Variants in ZNF248 observed in about 807,000 individuals in gnomAD.
ZNF248 encodes zinc finger protein 248.
A neutral mutation model predicts 44.3 loss-of-function variants in ZNF248; 20 were observed. The observed-to-expected ratio is 0.45, with a 90% CI of 0.32 to 0.66. The LOEUF (loss-of-function observed/expected upper bound fraction) is 0.66, where lower values mean the gene tolerates loss of function less well. Among genes scored for constraint, ZNF248 ranks in the 30% least tolerant of loss-of-function variants. The pLI is 0.04. For synonymous variants in ZNF248, 224 were observed against 229.0 expected, an observed-to-expected ratio of 0.98 and a Z score of 0.20; for missense variants, 654 against 677.0, an observed-to-expected ratio of 0.97 and a Z score of 0.38.
chr10:37,785,008 C>T (rs75621049), intron 6 of ZNF248, among the ~76,000 whole-genome samples: 201 of 152,310 alleles, frequency 1.3e-3, no homozygotes, highest in East Asian at 5.6e-3. Context: ...TCTGTTTATA[C>T]ATGGGGAAAA....
At chr10:37,766,389 G>A in the ZNF248 span, among the ~76,000 whole-genome samples, 12 of 152,234 alleles carry the variant, frequency 7.9e-5, no homozygotes, top group South Asian at 2.1e-4. Flanking sequence ...TCACATGGCC[G>A]GGTACTCCTC....
At position 37,836,371 on chromosome 10, in the gene ZNF248, T is replaced by G. The variant is rs140300682; in HGVS notation, c.238+1246A>C. Among the ~76,000 whole-genome samples, 3 of 152,288 alleles carry G rather than the reference T, an allele frequency of 2.0e-5. No homozygotes were observed. In the East Asian group the frequency reaches 5.8e-4, roughly 29 times the overall value. ...TTCTCATAGCACCAAAAGTAAAATT[T>G]ATGTATCTACCATAGCTCATGTTTC... On this transcript the variant is annotated intron_variant, in intron 5 of 5. Transcript: ENST00000395867.
chr10:37,778,974 A>T (rs2046950366), intron 6 of ZNF248, among the ~76,000 whole-genome samples: 1 of 152,194 alleles, frequency 6.6e-6, no homozygotes. Flanking sequence ...GAAGAAGTTG[A>T]ATCTCTGAAT....
At chr10:37,784,537 T>C (rs1259972913) in intron 6 of ZNF248, among the ~76,000 whole-genome samples, 3 of 152,246 alleles carry the variant, frequency 2.0e-5, no homozygotes, top group Non-Finnish European at 2.9e-5. Context: ...GTGCTAATTG[T>C]GCTTTTACTA....
At position 37,838,065 on chromosome 10, in the gene ZNF248, T is replaced by C. The variant is rs1000520648; in HGVS notation, c.62A>G (p.Glu21Gly). Residue 21 changes from glutamate to glycine, a missense_variant, in exon 4 of 6, where the codon GAG becomes GGG. Coordinates refer to ENST00000395867, the MANE Select transcript of ZNF248 (RefSeq NM_021045.3). ...KDVCVDFTQE[E>G]WYLLDPAQKI... ...CTGAGCAGGGTCCAGCAGATACCAC[T>C]CTTCCTGAGTGAAGTCCACACATAC... 2 of 1,613,558 alleles carry C rather than the reference T, an allele frequency of 1.2e-6. No homozygotes were observed. The highest frequency in any genetic ancestry group is 1.7e-6 in the Non-Finnish European group (2 of 1,179,696).
the ZNF248 span, among the ~76,000 whole-genome samples, chr10:37,765,979 G>A: frequency 6.6e-6 from 1 of 152,266 alleles, no homozygotes; most frequent in Non-Finnish European, 1.5e-5. Context: ...ATGGCTTGGA[G>A]GGTCCTACGC....
At position 37,832,666 on chromosome 10, in the gene ZNF248, A is replaced by T; in HGVS notation, c.689T>A (p.Phe230Tyr). 1.2e-6 allele frequency: 2 copies of T among 1,613,358 alleles called. No homozygotes were observed. Among genetic ancestry groups the T allele is most frequent in the Non-Finnish European group, 1.7e-6 (2 of 1,179,878 alleles). Residue 230 changes from phenylalanine (F) to tyrosine (Y), a missense_variant, in exon 6 of 6, where the codon TTT becomes TAT. By Grantham distance (22) the Phe-to-Tyr change is conservative. Transcript: ENST00000395867. ...GQGFHDEAAF[F>Y]TNKRSQIGET... ...TCCTATCTGAGATCTCTTATTTGTA[A>T]AAAATGCTGCCTCATCATGGAAGCC...
downstream of ZNF248, among the ~76,000 whole-genome samples, chr10:37,774,528 G>C (rs1452211035): frequency 6.6e-6 from 1 of 152,136 alleles, no homozygotes; most frequent in African/African-American, 2.4e-5. Flanking sequence ...GGATATGCTA[G>C]GCTATAAAAC....
chr10:37,782,150 G>A (rs1429622891), intron 6 of ZNF248, among the ~76,000 whole-genome samples: 1 of 152,202 alleles, frequency 6.6e-6, no homozygotes, highest in Non-Finnish European at 1.5e-5. Flanking sequence ...TCTACCAAGA[G>A]TATGTGCAGC....
In ZNF248 at chr10:37,820,665, G is replaced by A. The variant is rs541945246; in HGVS notation, c.330+12360C>T. ...GGTTCGGCTTTTCTTTTCCACTTTC[G>A]CTGGTCATTCTGCTTTTTCTCGGGA... On this transcript the variant is annotated intron_variant, in intron 6 of 6. Transcript: ENST00000615949. 97 of 1,433,506 alleles carry A rather than the reference G, an allele frequency of 6.8e-5. No homozygotes were observed. In the African/African-American group the frequency reaches 9.5e-4, roughly 14 times the overall value. 88.8% of individuals were successfully genotyped at this position (1,433,506 alleles called of 1,614,324 possible). A position where few individuals can be genotyped will look rare whatever the true frequency, so the allele number is the denominator to read the frequency against.
At chr10:37,818,950 A>C (rs756711064) in intron 6 of ZNF248, 85 of 1,104,250 alleles carry the variant, frequency 7.7e-5, no homozygotes, top group Non-Finnish European at 1.0e-4. Flanking sequence ...TTTATTTGAG[A>C]TCTTTGGTGG....
chr10:37,854,332 C>T (rs1372031199), intron 3 of ZNF248, among the ~76,000 whole-genome samples: 1 of 152,056 alleles, frequency 6.6e-6, no homozygotes, highest in Non-Finnish European at 1.5e-5. Context: ...AAAATAATGG[C>T]TTGCAACTCA....
intron 6 of ZNF248, among the ~76,000 whole-genome samples, chr10:37,786,275 T>G (rs2047863070): frequency 6.6e-6 from 1 of 152,212 alleles, no homozygotes; most frequent in Non-Finnish European, 1.5e-5. Context: ...AACAGTGAAT[T>G]GTTCTATTTG....
At position 37,857,393 on chromosome 10, in the gene ZNF248, C is replaced by T. The variant is rs1000870010; in HGVS notation, c.-334G>A. On this transcript the variant is annotated 5_prime_UTR_variant, in exon 1 of 6. Coordinates refer to ENST00000395867, the MANE Select transcript of ZNF248 (RefSeq NM_021045.3). ...TCCTGCACTCCACGGGCAGAGAGGC[C>T]CTTGGGGCCGGTGCAGGAGCCGTCT... is the stretch of plus-strand genomic sequence containing the variant. The T allele has an allele frequency of 6.6e-6, 1 of 152,280 alleles. No homozygotes were observed. The highest frequency in any genetic ancestry group is 6.5e-5 in the Admixed American group (1 of 15,288). The allele number at this position is 152,280 out of a possible 1,614,324, so 9.4% of individuals were successfully genotyped here.
intron 4 of ZNF248, 135 bp from the exon 5 acceptor site, chr10:37,837,847 G>A (rs2057531715): frequency 1.5e-6 from 2 of 1,366,940 alleles, no homozygotes; most frequent in African/African-American, 1.4e-5. Context: ...CTCTGACAAG[G>A]CAAGAGCACC....
At chr10:37,807,032 G>A (rs1472249591) in intron 6 of ZNF248, among the ~76,000 whole-genome samples, 3 of 151,212 alleles carry the variant, frequency 2.0e-5, no homozygotes, top group Non-Finnish European at 4.4e-5. Context: ...TGCCCAAGCT[G>A]GAGTGCAGTG....
At chr10:37,817,762 A>G (rs951406021) in intron 6 of ZNF248, among the ~76,000 whole-genome samples, 51 of 152,312 alleles carry the variant, frequency 3.3e-4, no homozygotes, top group African/African-American at 1.2e-3. Flanking sequence ...AATAGGCAAC[A>G]GCATTTTTTC....
At chr10:37,773,425 C>T (rs1464460583), downstream of ZNF248, among the ~76,000 whole-genome samples, 1 of 152,146 alleles carries the variant, frequency 6.6e-6, no homozygotes, top group Non-Finnish European at 1.5e-5. Flanking sequence ...GAAATTGGAA[C>T]ATTTGTCACT....
chr10:37,830,181 G>A lies in ZNF248; in HGVS notation c.*1434C>T. On this transcript the variant is annotated 3_prime_UTR_variant, in exon 6 of 6. Transcript: ENST00000395867. The stretch of plus-strand genomic sequence containing the variant: ...ATACCGCCACTTTTTGAGGAGTGCA[G>A]TGTTACTGCTTGTTAACCTTTGCAT... 1 of 985,440 alleles carries A rather than the reference G, an allele frequency of 1.0e-6. No homozygotes were observed. The highest frequency in any genetic ancestry group is 1.2e-6 in the Non-Finnish European group (1 of 829,932). The allele number at this position is 985,440 out of a possible 1,614,324, so 61.0% of individuals were successfully genotyped here.
Sources: gnomAD v4.1 joint callset for allele counts (sites outside exome capture counted in the v4.1 genomes callset) on GRCh38, gnomAD v4.1.1 for gene constraint, MANE v1.5 for transcripts, NCBI Gene and HGNC (gene_info 2026-07-23, HGNC 2026-07-21) for gene names.